BCL11B: variants seen among roughly 807,000 people sequenced by gnomAD.
The protein encoded by BCL11B is B-cell lymphoma/leukemia 11B.
In BCL11B, 8 loss-of-function variants were observed where a neutral mutation model predicts 49.9. The ratio of observed to expected loss-of-function variants is 0.16; its 90% confidence interval spans 0.09 to 0.29. The LOEUF (loss-of-function observed/expected upper bound fraction) is 0.29, where lower values mean the gene tolerates loss of function less well. BCL11B is among the 10% of genes least tolerant of loss of function. BCL11B has a pLI of 1.00. For synonymous variants in BCL11B, 739 were observed against 637.4 expected, an observed-to-expected ratio of 1.16 and a Z score of -2.40; for missense variants, 1,006 against 1,351.0, an observed-to-expected ratio of 0.74 and a Z score of 4.00.
chr14:99,214,649 TA>T (rs1228704156), intron 3 of BCL11B, among the ~76,000 whole-genome samples: 1 of 151,004 alleles, frequency 6.6e-6, no homozygotes, highest in Non-Finnish European at 1.5e-5. Flanking sequence ...TCCCGGAACC[TA>T]AAATACATTT....
At chr14:99,224,365 G>A (rs112018556) in intron 3 of BCL11B, among the ~76,000 whole-genome samples, 2 of 152,202 alleles carry the variant, frequency 1.3e-5, no homozygotes, top group African/African-American at 2.4e-5. Context: ...GGGTGGGGGA[G>A]TGCCTCTTCT....
chr14:99,270,982 A>C (rs1287910856), intron 1 of BCL11B, among the ~76,000 whole-genome samples, 179 bp downstream of exon 1: 1 of 151,122 alleles, frequency 6.6e-6, no homozygotes, highest in Non-Finnish European at 1.5e-5. Context: ...CCGGGCTGCA[A>C]AGAAACTTTC....
rs1315604394 is a variant in BCL11B at position 99,264,869 on chromosome 14, T to C, written c.58+6292A>G. 12 of 152,182 alleles carry C rather than the reference T, an allele frequency of 7.9e-5. No individual in the cohort carries two copies. The East Asian group carries it at 2.3e-3, about 29-fold the overall frequency. The allele number at this position is 152,182 out of a possible 1,614,324, so 9.4% of individuals were successfully genotyped here. ...CTCTCGGCACTTTTTACCCACGCCC[T>C]GGGAAACATACTTGCTCAAGGGAGG... On this transcript the variant is annotated intron_variant, in intron 1 of 3. Coordinates refer to ENST00000357195, the MANE Select transcript of BCL11B (RefSeq NM_138576.4).
intron 1 of BCL11B, among the ~76,000 whole-genome samples, chr14:99,268,924 G>A (rs1331515688): frequency 6.6e-6 from 1 of 152,242 alleles, no homozygotes; most frequent in Non-Finnish European, 1.5e-5. Context: ...AGCGAGACAG[G>A]GAACAAATGA....
chr14:99,258,045 C>A (rs1889225070), intron 1 of BCL11B, among the ~76,000 whole-genome samples: 1 of 152,174 alleles, frequency 6.6e-6, no homozygotes, highest in African/African-American at 2.4e-5. Flanking sequence ...GCTCTAGGAG[C>A]AACGTCGTGC....
intron 3 of BCL11B, among the ~76,000 whole-genome samples, chr14:99,206,183 G>A (rs943586740): frequency 6.6e-6 from 1 of 152,182 alleles, no homozygotes; most frequent in African/African-American, 2.4e-5. Context: ...ATCCATCAGG[G>A]TAATACTATC....
At position 99,195,041 on chromosome 14, in the gene BCL11B, G is replaced by A. The variant is rs904881240; in HGVS notation, c.641-18846C>T. Among the ~76,000 whole-genome samples the A allele has an allele frequency of 4.6e-5, 7 of 152,166 alleles. No homozygotes were observed. Among genetic ancestry groups the A allele is most frequent in the South Asian group, 2.1e-4 (1 of 4,832 alleles). On this transcript the variant is annotated intron_variant, in intron 3 of 3. Coordinates refer to ENST00000357195, the MANE Select transcript of BCL11B (RefSeq NM_138576.4). The surrounding 1 kb of genome is among the most constrained non-coding windows in gnomAD (Gnocchi z 4.7). Reference sequence around the variant, plus strand: ...CCCCCAGGTGCACAGATGGGAAAACGAAGGCTGCCCAGCATGCAGAAAGGG... The same window carrying A: ...CCCCCAGGTGCACAGATGGGAAAACAAAGGCTGCCCAGCATGCAGAAAGGG...
rs1888339321 is a variant in BCL11B, at chr14:99,231,626, CGGGGCTCGGGGCGT to C, written c.428-83_428-70del. Reference sequence around the variant, plus strand: ...ACTGTGTGAGGGGCACGGGGTGGGACGGGGCTCGGGGCGTGGGGCTCTGCTCAGGCCACCCTTCG... The same window carrying C: ...ACTGTGTGAGGGGCACGGGGTGGGACGGGGCTCTGCTCAGGCCACCCTTCG... On this transcript the variant is annotated intron_variant, in intron 2 of 3. Transcript: ENST00000357195. This position sits in a 1 kb window ranked among gnomAD's most constrained non-coding sequence, Gnocchi z 8.1. 5 of 837,686 alleles carry C rather than the reference CGGGGCTCGGGGCGT, an allele frequency of 6.0e-6. No individual in the cohort carries two copies. The highest frequency in any genetic ancestry group is 8.9e-6 in the Non-Finnish European group (5 of 559,914). The allele number at this position is 837,686 out of a possible 1,614,324, so 51.9% of individuals were successfully genotyped here.
chr14:99,229,043 C>CATGGATGG (rs1181779397), intron 3 of BCL11B, among the ~76,000 whole-genome samples: 4,802 of 104,756 alleles, frequency 0.046, 126 homozygotes, highest in African/African-American at 0.095. Flanking sequence ...TGGATGGATG[C>CATGGATGG]ATGGATGGAT....
intron 3 of BCL11B, among the ~76,000 whole-genome samples, chr14:99,189,521 T>C (rs747335945): frequency 2.0e-5 from 3 of 152,202 alleles, no homozygotes; most frequent in Non-Finnish European, 2.9e-5. Flanking sequence ...GAGAAACTAA[T>C]GTCGACAAGG....
rs761274858 is a variant in BCL11B, at chr14:99,174,685, C to T, written c.2151G>A (p.Ala717=). 6.3e-7 allele frequency: 1 copy of T among 1,575,234 alleles called. No individual in the cohort carries two copies. Among genetic ancestry groups the T allele is most frequent in the Non-Finnish European group, 8.6e-7 (1 of 1,163,322 alleles). Residue 717 remains alanine (A), a synonymous_variant, in exon 4 of 4, where the codon GCG becomes GCA. Coordinates refer to ENST00000357195, the MANE Select transcript of BCL11B (RefSeq NM_138576.4). ...VYSQWLVGYA[A]SRHFMKDPFL... ...AGGGGTCCTTCATGAAGTGCCGCGA[C>T]GCCGCGTAGCCCACCAGCCACTGCG...
intron 3 of BCL11B, among the ~76,000 whole-genome samples, chr14:99,185,411 T>G: frequency 6.7e-6 from 1 of 148,212 alleles, no homozygotes; most frequent in South Asian, 2.2e-4. Flanking sequence ...CACTCCAGCC[T>G]GGGTGACAAA....
chr14:99,257,924 C>T lies in BCL11B; in HGVS notation c.59-85G>A, dbSNP rs746592786. ...ACAGCACCCAACTTCCGGTCCACCCCTTCCCCGCCAAGAAGCAGCCCCCTC... is the reference window on the plus strand; with the variant it reads ...ACAGCACCCAACTTCCGGTCCACCCTTTCCCCGCCAAGAAGCAGCCCCCTC... On this transcript the variant is annotated intron_variant, in intron 1 of 3. Transcript: ENST00000357195. The surrounding 1 kb of genome is among the most constrained non-coding windows in gnomAD (Gnocchi z 6.2). The T allele has an allele frequency of 7.0e-4, 971 of 1,395,538 alleles. 1 individual carries two copies. Among genetic ancestry groups the T allele is most frequent in the Non-Finnish European group, 8.5e-4 (903 of 1,066,190 alleles). The allele number at this position is 1,395,538 out of a possible 1,614,324, so 86.4% of individuals were successfully genotyped here. A position where few individuals can be genotyped will look rare whatever the true frequency, so the allele number is the denominator to read the frequency against.
At chr14:99,243,460 A>T (rs1435330328) in intron 2 of BCL11B, among the ~76,000 whole-genome samples, 1 of 152,240 alleles carries the variant, frequency 6.6e-6, no homozygotes, top group Non-Finnish European at 1.5e-5. Context: ...CTTTGAAATC[A>T]GCAATTGCTT....
chr14:99,208,089 T>C (rs986839128), intron 3 of BCL11B, among the ~76,000 whole-genome samples: 2 of 152,112 alleles, frequency 1.3e-5, no homozygotes, highest in African/African-American at 2.4e-5. Context: ...CAGGGCAGCA[T>C]AGGGAGATGA....
chr14:99,181,843 A>G (rs908607426), intron 3 of BCL11B, among the ~76,000 whole-genome samples: 1 of 152,196 alleles, frequency 6.6e-6, no homozygotes, highest in African/African-American at 2.4e-5. Context: ...CCCAGTACCC[A>G]AGGAGATGGC....
intron 1 of BCL11B, among the ~76,000 whole-genome samples, chr14:99,267,036 C>A (rs1016357258): frequency 1.3e-5 from 2 of 152,118 alleles, no homozygotes; most frequent in East Asian, 3.9e-4. Flanking sequence ...CTCAAATGCA[C>A]CCAAAGTTGG....
Position 99,171,615 on chromosome 14 carries a change from T to A in BCL11B, c.*2536A>T, listed in dbSNP as rs1445300328. ...AAGTACAGGTCAGAAATGTGATTTT[T>A]TTTTTTTCTGCAAAGCAATAACAAT... On this transcript the variant is annotated 3_prime_UTR_variant, in exon 4 of 4. Coordinates refer to ENST00000357195, the MANE Select transcript of BCL11B (RefSeq NM_138576.4). The A allele has an allele frequency of 4.7e-6, 1 of 210,966 alleles. No individual in the cohort carries two copies. The highest frequency in any genetic ancestry group is 9.6e-6 in the Non-Finnish European group (1 of 103,870). 13.1% of individuals were successfully genotyped at this position (210,966 alleles called of 1,614,324 possible).
chr14:99,270,365 AC>A (rs1338451313), intron 1 of BCL11B, among the ~76,000 whole-genome samples: 1 of 147,482 alleles, frequency 6.8e-6, no homozygotes, highest in Non-Finnish European at 1.5e-5. Context: ...CTAACTGACA[AC>A]CTTTTTTTTT....
Sources: allele counts gnomAD v4.1 joint callset (sites outside exome capture counted in the v4.1 genomes callset), GRCh38; gene constraint gnomAD v4.1.1; non-coding constraint Gnocchi (gnomAD v3.1); transcripts MANE v1.5; gene names NCBI Gene and HGNC (gene_info 2026-07-23, HGNC 2026-07-21).